METAP1: variants seen among roughly 807,000 people sequenced by gnomAD.
METAP1 encodes the protein methionyl aminopeptidase 1.
In METAP1, 28 loss-of-function variants were observed where a neutral mutation model predicts 53.8. The ratio of observed to expected loss-of-function variants is 0.52; its 90% CI spans 0.39 to 0.71. The LOEUF (loss-of-function observed/expected upper bound fraction) is 0.71, where lower values mean the gene tolerates loss of function less well. Ranked by LOEUF, METAP1 falls within the 30% of genes least tolerant of loss-of-function variation. The pLI is 0.00. For synonymous variants in METAP1, 181 were observed against 165.7 expected, an observed-to-expected ratio of 1.09 and a Z score of -0.71; for missense variants, 389 against 479.8, an observed-to-expected ratio of 0.81 and a Z score of 1.77.
intron 6 of METAP1, among the ~76,000 whole-genome samples, chr4:99,041,440 C>T (rs980867191): frequency 6.6e-6 from 1 of 150,866 alleles, no homozygotes; most frequent in African/African-American, 2.5e-5. Context: ...CCTGCCACTA[C>T]AGACATCAAA....
intron 2 of METAP1, among the ~76,000 whole-genome samples, chr4:99,032,083 G>A (rs534688713): frequency 2.8e-4 from 42 of 152,202 alleles, no homozygotes; most frequent in African/African-American, 7.9e-4. Flanking sequence ...AAATGTAAAC[G>A]AATTTTCTTT....
intron 7 of METAP1, among the ~76,000 whole-genome samples, chr4:99,043,790 T>G (rs1726036134): frequency 6.6e-6 from 1 of 152,200 alleles, no homozygotes; most frequent in African/African-American, 2.4e-5. Flanking sequence ...CTGAAAATCT[T>G]GCAGAAGTGC....
intron 1 of METAP1, among the ~76,000 whole-genome samples, chr4:98,996,245 G>A (rs1472460590): frequency 1.3e-5 from 2 of 152,220 alleles, no homozygotes; most frequent in African/African-American, 2.4e-5. Context: ...CGGGAAGGAG[G>A]GCAGCCCGAG....
intron 1 of METAP1, among the ~76,000 whole-genome samples, chr4:99,016,352 T>A (rs1723766919): frequency 6.6e-6 from 1 of 152,196 alleles, no homozygotes; most frequent in Admixed American, 6.5e-5. Context: ...CCATCGTAGA[T>A]GAGTCTCTAA....
chr4:99,023,194 G>C (rs1724274586), intron 1 of METAP1: 1 of 518,414 alleles, frequency 1.9e-6, no homozygotes, highest in Non-Finnish European at 3.2e-6. Context: ...AGATTCATTT[G>C]CATGGTTAAA....
chr4:98,999,648 T>G (rs1004226452), intron 1 of METAP1, among the ~76,000 whole-genome samples: 2 of 150,290 alleles, frequency 1.3e-5, no homozygotes, highest in African/African-American at 4.9e-5. Flanking sequence ...GTAGCTGAGA[T>G]TACAGGTGCG....
chr4:99,049,099 T>C lies in METAP1; in HGVS notation c.931+223T>C, dbSNP rs182912184. 1.7e-3 allele frequency among the ~76,000 whole-genome samples: 257 copies of C among 152,310 alleles called. 1 individual carries two copies. The highest frequency in any genetic ancestry group is 5.0e-3 in the African/African-American group (209 of 41,564). On this transcript the variant is annotated intron_variant, in intron 9 of 10. Transcript: ENST00000296411. ...TTGGTCACTGTGGGGGCAGGGCAGT[T>C]ACTATGTGACACAGGCTGTGTCATC...
intron 1 of METAP1, among the ~76,000 whole-genome samples, chr4:99,019,937 AG>A (rs1211994636): frequency 6.6e-6 from 1 of 152,112 alleles, no homozygotes; most frequent in African/African-American, 2.4e-5. Context: ...CAAAGGCCTT[AG>A]TGAGGTTTTG....
At chr4:98,995,914 C>T (rs1722593664) in intron 1 of METAP1, 47 bp downstream of exon 1, 1 of 1,413,740 alleles carries the variant, frequency 7.1e-7, no homozygotes, top group Non-Finnish European at 9.7e-7. Flanking sequence ...CGGGACCCCT[C>T]CTCGCTTCTC....
intron 1 of METAP1, among the ~76,000 whole-genome samples, 172 bp from the exon 2 acceptor site, chr4:99,028,695 G>T (rs1654499651): frequency 6.6e-6 from 1 of 152,128 alleles, no homozygotes; most frequent in African/African-American, 2.4e-5. Flanking sequence ...TTTTTGAAGT[G>T]AATATTGAAC....
intron 4 of METAP1, among the ~76,000 whole-genome samples, chr4:99,036,287 T>A (rs1419289837): frequency 6.6e-6 from 1 of 152,158 alleles, no homozygotes; most frequent in Non-Finnish European, 1.5e-5. Flanking sequence ...ATATCATTTT[T>A]AAATTTTAGT....
chr4:99,050,547 G>A (rs950299779), intron 9 of METAP1, among the ~76,000 whole-genome samples: 1 of 152,236 alleles, frequency 6.6e-6, no homozygotes, highest in South Asian at 2.1e-4. Flanking sequence ...CAGAGCAGGG[G>A]TCCCCAGCCC....
intron 1 of METAP1, chr4:99,022,518 G>A (rs897119358): frequency 3.2e-6 from 2 of 634,710 alleles, no homozygotes; most frequent in African/African-American, 3.6e-5. Flanking sequence ...AGCCATCTGG[G>A]TGAGCAAGAT....
chr4:99,049,569 A>C (rs1726534419), intron 9 of METAP1, among the ~76,000 whole-genome samples: 1 of 152,310 alleles, frequency 6.6e-6, no homozygotes, highest in Non-Finnish European at 1.5e-5. Flanking sequence ...AAGATAGATA[A>C]TATCTTACAG....
intron 6 of METAP1, 50 bp downstream of exon 6, chr4:99,041,176 G>C: frequency 8.0e-7 from 1 of 1,245,110 alleles, no homozygotes; most frequent in Non-Finnish European, 1.1e-6. Context: ...ATTACTAGAT[G>C]CTTTGAACTT....
Position 99,034,234 on chromosome 4 carries a change from T to C in METAP1, c.171T>C (p.Asp57=), listed in dbSNP as rs1265805322. 1.3e-6 allele frequency: 2 copies of C among 1,543,946 alleles called. No homozygotes were observed. Among genetic ancestry groups the C allele is most frequent in the East Asian group, 4.9e-5 (2 of 40,828 alleles). Residue 57 remains aspartate (D), a synonymous_variant, in exon 3 of 11, where the codon GAT becomes GAC. Coordinates refer to ENST00000296411, the MANE Select transcript of METAP1 (RefSeq NM_015143.3). ...ATCTATTCCTCCGTCTCCCAGAAGA[T>C]GAAAAGGCGAAGCGAGAAGTGTCTT... ...THKLLHKKAK[D]EKAKREVSSW...
At chr4:99,059,562 A>G (rs1011253011) in intron 10 of METAP1, among the ~76,000 whole-genome samples, 10 of 152,192 alleles carry the variant, frequency 6.6e-5, no homozygotes, top group Non-Finnish European at 1.0e-4. Flanking sequence ...TCACCTAAAG[A>G]TTACTCAAAA....
At chr4:99,022,367 C>T (rs1724180801) in intron 1 of METAP1, 2 of 892,900 alleles carry the variant, frequency 2.2e-6, no homozygotes, top group Admixed American at 2.9e-5. Context: ...GGCGGGGCTC[C>T]AAAGATCCTG....
At chr4:99,055,947 T>C (rs898090256) in intron 9 of METAP1, among the ~76,000 whole-genome samples, 1 of 152,234 alleles carries the variant, frequency 6.6e-6, no homozygotes, top group Non-Finnish European at 1.5e-5. Flanking sequence ...CTTCCTTTTT[T>C]CAAATGACCT....
Sources: allele counts gnomAD v4.1 joint callset (sites outside exome capture counted in the v4.1 genomes callset), GRCh38; gene constraint gnomAD v4.1.1; transcripts MANE v1.5; gene names NCBI Gene and HGNC (gene_info 2026-07-23, HGNC 2026-07-21).